Variants in ZNF143 observed in about 807,000 individuals in gnomAD.
The protein encoded by ZNF143 is SPH-binding factor.
Under a neutral mutation model 74.1 loss-of-function variants are expected in ZNF143, and 49 were observed. The observed-to-expected ratio is 0.66, with a 90% CI of 0.53 to 0.84. ZNF143 has a LOEUF of 0.84. ZNF143 is among the 40% of genes least tolerant of loss of function. The pLI is 0.00. For missense variants in ZNF143, 637 were observed against 793.4 expected (o/e 0.80, Z 2.37); for synonymous variants, 304 against 282.8 (o/e 1.07, Z -0.75).
At chr11:9,474,508 T>G (rs1416184715) in intron 4 of ZNF143, 42 bp from the exon 5 acceptor site, 2 of 1,596,740 alleles carry the variant, frequency 1.3e-6, no homozygotes, top group Middle Eastern at 1.7e-4. Context: ...AATTGGAATG[T>G]GCTAGAAAAC....
intron 1 of ZNF143, among the ~76,000 whole-genome samples, chr11:9,465,493 A>G (rs1456706047): frequency 7.0e-6 from 1 of 142,894 alleles, no homozygotes; most frequent in African/African-American, 2.6e-5. Context: ...TGGTACTTTT[A>G]TTTATTTATT....
chr11:9,482,164 G>T (rs940917578), intron 7 of ZNF143, among the ~76,000 whole-genome samples: 4 of 149,490 alleles, frequency 2.7e-5, no homozygotes, highest in African/African-American at 4.9e-5. Context: ...TAGAGGCAGG[G>T]TTTCACCATG....
chr11:9,515,806 C>A (rs1418780612), intron 13 of ZNF143, among the ~76,000 whole-genome samples: 1 of 151,962 alleles, frequency 6.6e-6, no homozygotes, highest in Non-Finnish European at 1.5e-5. Flanking sequence ...CATGTTGAGA[C>A]CCCATGTCTA....
chr11:9,480,880 T>C (rs1458979970), intron 7 of ZNF143, among the ~76,000 whole-genome samples: 2 of 146,372 alleles, frequency 1.4e-5, no homozygotes, highest in African/African-American at 2.6e-5. Context: ...AGAACGAAAC[T>C]GTCTCAAAAA....
At chr11:9,505,453 A>G (rs1042162748) in intron 11 of ZNF143, among the ~76,000 whole-genome samples, 1 of 151,880 alleles carries the variant, frequency 6.6e-6, no homozygotes, top group Non-Finnish European at 1.5e-5. Flanking sequence ...TATTTTTAGT[A>G]GAGACAGGGT....
chr11:9,473,757 G>C, intron 3 of ZNF143, 184 bp from the exon 4 acceptor site: 5 of 1,524,504 alleles, frequency 3.3e-6, no homozygotes, highest in Middle Eastern at 1.7e-4. Flanking sequence ...GGCTGAGGGA[G>C]GATTTTCTGC....
chr11:9,510,422 C>T (rs544909741), intron 12 of ZNF143, among the ~76,000 whole-genome samples: 40 of 152,032 alleles, frequency 2.6e-4, no homozygotes, highest in Non-Finnish European at 5.1e-4. Context: ...CCGTACCCAG[C>T]CCAGAAGTTC....
rs1316309780 is a variant in ZNF143 at position 9,484,799 on chromosome 11, G to GTTTTTTTTT, written c.645+5253_645+5254insTTTTTTTTT. Among the ~76,000 whole-genome samples the GTTTTTTTTT allele has an allele frequency of 8.7e-4, 21 of 24,240 alleles. 2 individuals are homozygous for GTTTTTTTTT. Among genetic ancestry groups the GTTTTTTTTT allele is most frequent in the African/African-American group, 1.2e-3 (6 of 5,184 alleles). 15.9% of individuals were successfully genotyped at this position (24,240 alleles called of 152,430 possible). A position where few individuals can be genotyped will look rare whatever the true frequency, so the allele number is the denominator to read the frequency against. ...GCGTGAGCCACCGCACCTGGCCAAA[G>GTTTTTTTTT]ATTTTTTTTTTTTTTTGAGACGGAG... On this transcript the variant is annotated intron_variant, in intron 7 of 15. Coordinates refer to ENST00000396602, the MANE Select transcript of ZNF143 (RefSeq NM_003442.6).
intron 13 of ZNF143, among the ~76,000 whole-genome samples, chr11:9,512,813 A>T (rs1461710177): frequency 6.6e-6 from 1 of 152,202 alleles, no homozygotes; most frequent in Non-Finnish European, 1.5e-5. Flanking sequence ...TTCTTGGTGT[A>T]GTTCAAAGGT....
chr11:9,483,897 A>G lies in ZNF143; in HGVS notation c.645+4351A>G, dbSNP rs144546230. Among the ~76,000 whole-genome samples, 608 of 150,766 alleles carry G rather than the reference A, an allele frequency of 4.0e-3. 18 individuals are homozygous for G. Among genetic ancestry groups the G allele is most frequent in the Middle Eastern group, 0.014 (4 of 294 alleles). ...CACGAGTAGCTGGGACTACAGGCAC[A>G]TGCTACCATGCACAGCTGACGTTTG... On this transcript the variant is annotated intron_variant, in intron 7 of 15. Coordinates refer to ENST00000396602, the MANE Select transcript of ZNF143 (RefSeq NM_003442.6).
chr11:9,496,729 T>C lies in ZNF143; in HGVS notation c.841+351T>C, dbSNP rs1255626550. Among the ~76,000 whole-genome samples, 2 of 152,036 alleles carry C rather than the reference T, an allele frequency of 1.3e-5. 1 individual carries two copies. Among genetic ancestry groups the C allele is most frequent in the African/African-American group, 4.8e-5 (2 of 41,384 alleles). The stretch of plus-strand genomic sequence containing the variant: ...CTAGTGCCTCAGCCTCCCGAGTAGC[T>C]GGGATTACAGGCGCTCGTCATCATG... On this transcript the variant is annotated intron_variant, in intron 9 of 15. Coordinates refer to ENST00000396602, the MANE Select transcript of ZNF143 (RefSeq NM_003442.6).
At chr11:9,500,993 G>A in intron 10 of ZNF143, 98 bp from the exon 11 acceptor site, 3 of 1,418,420 alleles carry the variant, frequency 2.1e-6, no homozygotes, top group Non-Finnish European at 1.9e-6. Context: ...AAGAAGGCTA[G>A]AGTCTTGAGC....
intron 12 of ZNF143, among the ~76,000 whole-genome samples, chr11:9,512,094 T>C (rs549318008): frequency 7.2e-5 from 11 of 152,148 alleles, no homozygotes; most frequent in Non-Finnish European, 1.0e-4. Context: ...GCATACTTGC[T>C]GTATTTGAAG....
At chr11:9,469,215 C>CTTTTTT (rs33968880) in intron 1 of ZNF143, among the ~76,000 whole-genome samples, 4 of 97,464 alleles carry the variant, frequency 4.1e-5, no homozygotes, top group African/African-American at 7.8e-5. Flanking sequence ...CAGCAGGGGT[C>CTTTTTT]TTTTTTTTTT....
At chr11:9,479,403 C>G in intron 6 of ZNF143, 69 bp from the exon 7 acceptor site, 4 of 1,278,662 alleles carry the variant, frequency 3.1e-6, no homozygotes, top group Non-Finnish European at 4.4e-6. Flanking sequence ...CTCCCTGAAC[C>G]ATGTACTTAA....
intron 10 of ZNF143, among the ~76,000 whole-genome samples, chr11:9,499,588 G>A (rs1033123856): frequency 3.3e-5 from 5 of 152,144 alleles, no homozygotes; most frequent in African/African-American, 1.2e-4. Context: ...GCCTGTGGTC[G>A]CAGCTACCCG....
intron 14 of ZNF143, among the ~76,000 whole-genome samples, chr11:9,521,053 A>G (rs1325379819): frequency 2.0e-5 from 3 of 152,174 alleles, no homozygotes; most frequent in Admixed American, 2.0e-4. Context: ...GACTTCCCTT[A>G]CACTCCCTGC....
At chr11:9,482,225 T>C (rs12289121) in intron 7 of ZNF143, among the ~76,000 whole-genome samples, 7,581 of 136,992 alleles carry the variant, frequency 0.055, 291 homozygotes, top group South Asian at 0.08. Context: ...CTGCCTTGGC[T>C]TCCCAAAGTG....
At chr11:9,476,012 C>T (rs1470880653) in intron 5 of ZNF143, among the ~76,000 whole-genome samples, 2 of 149,970 alleles carry the variant, frequency 1.3e-5, no homozygotes, top group African/African-American at 4.9e-5. Context: ...ACTAAGTATA[C>T]AATGTCAAAA....
Sources: gnomAD v4.1 joint callset for allele counts (sites outside exome capture counted in the v4.1 genomes callset) on GRCh38, gnomAD v4.1.1 for gene constraint, MANE v1.5 for transcripts, NCBI Gene and HGNC (gene_info 2026-07-23, HGNC 2026-07-21) for gene names.